The following VAV2 variants were observed in gnomAD, a reference collection of about 807,000 sequenced individuals.
VAV2 encodes the protein vav guanine nucleotide exchange factor 2.
In VAV2, 67 loss-of-function variants were observed where a neutral mutation model predicts 132.5. The observed-to-expected ratio is 0.51, with a 90% CI of 0.42 to 0.62. The LOEUF (loss-of-function observed/expected upper bound fraction) is 0.62. VAV2 is among the 20% of genes least tolerant of loss of function. VAV2 has a pLI of 0.00. For synonymous variants in VAV2, 492 were observed against 443.5 expected, an observed-to-expected ratio of 1.11 and a Z score of -1.37; for missense variants, 938 against 1,153.6, an observed-to-expected ratio of 0.81 and a Z score of 2.71.
At chr9:133,872,999 G>A (rs946572901) in intron 2 of VAV2, among the ~76,000 whole-genome samples, 6 of 151,624 alleles carry the variant, frequency 4.0e-5, no homozygotes, top group South Asian at 2.1e-4. Context: ...TGTAATCTCA[G>A]CTACTTGGGA....
chr9:133,982,349 G>C (rs111500962), intron 1 of VAV2, among the ~76,000 whole-genome samples: 1,581 of 152,342 alleles, frequency 0.01, 26 homozygotes, highest in African/African-American at 0.035. Context: ...GACTAGGCTT[G>C]TGGGGCAGGA....
chr9:133,798,128 G>T (rs1009874456), intron 9 of VAV2, among the ~76,000 whole-genome samples: 129 of 152,288 alleles, frequency 8.5e-4, no homozygotes, highest in African/African-American at 3.0e-3. Context: ...CCCAAAAAGG[G>T]CCAACACTGG....
chr9:133,858,249 T>C (rs1837459717), intron 3 of VAV2, among the ~76,000 whole-genome samples: 1 of 152,172 alleles, frequency 6.6e-6, no homozygotes, highest in Non-Finnish European at 1.5e-5. Flanking sequence ...GCAGGATCAG[T>C]GTGGCCTCTG....
chr9:133,769,623 T>G lies in VAV2; in HGVS notation c.2348-120A>C. The stretch of plus-strand genomic sequence containing the variant: ...GCAGGCCCTTTGGCAGGAGAGGCCC[T>G]ACAGGGGGGCAAAGGAGGCAGGGGG... On this transcript the variant is annotated intron_variant, in intron 27 of 29. Transcript: ENST00000371850. The surrounding 1 kb of genome is among the most constrained non-coding windows in gnomAD (Gnocchi z 8.1). 2 of 1,039,144 alleles carry G rather than the reference T, an allele frequency of 1.9e-6. No homozygotes were observed. Among genetic ancestry groups the G allele is most frequent in the South Asian group, 1.7e-5 (1 of 59,080 alleles). 64.4% of individuals were successfully genotyped at this position (1,039,144 alleles called of 1,614,324 possible).
chr9:133,809,892 G>C (rs1053988810), intron 6 of VAV2, among the ~76,000 whole-genome samples: 4 of 152,216 alleles, frequency 2.6e-5, no homozygotes, highest in African/African-American at 9.6e-5. Context: ...CTGGAGAAAT[G>C]GTGCTGTGAC....
chr9:133,853,620 G>GC (rs937118244), intron 3 of VAV2, among the ~76,000 whole-genome samples: 12 of 151,944 alleles, frequency 7.9e-5, no homozygotes, highest in African/African-American at 2.4e-4. Flanking sequence ...CACACATGCC[G>GC]CCCCCCTTTG....
At chr9:133,790,477 G>A (rs542705034) in intron 13 of VAV2, among the ~76,000 whole-genome samples, 1 of 152,258 alleles carries the variant, frequency 6.6e-6, no homozygotes, top group East Asian at 1.9e-4. Context: ...CGCCCAGCCT[G>A]TTCTTGCTGT....
At chr9:133,815,702 T>G (rs35033712) in intron 4 of VAV2, among the ~76,000 whole-genome samples, 32,547 of 152,062 alleles carry the variant, frequency 0.21, 4,227 homozygotes, top group African/African-American at 0.37. Flanking sequence ...CTTCCTTCTT[T>G]ATGGACATTT....
intron 1 of VAV2, among the ~76,000 whole-genome samples, chr9:133,982,720 G>A (rs2132296328): frequency 6.6e-6 from 1 of 152,366 alleles, no homozygotes; most frequent in South Asian, 2.1e-4. Flanking sequence ...CCGCCGCCTG[G>A]TTTTGTACAT....
chr9:133,816,124 A>G (rs915309925), intron 4 of VAV2, among the ~76,000 whole-genome samples: 4 of 152,166 alleles, frequency 2.6e-5, no homozygotes, highest in East Asian at 3.9e-4. Context: ...TCCTTACTGT[A>G]TACCTTCCTT....
At position 133,833,586 on chromosome 9, in the gene VAV2, C is replaced by T. The variant is rs1361927906; in HGVS notation, c.449+686G>A. On this transcript the variant is annotated intron_variant, in intron 4 of 29. Transcript: ENST00000371850. The surrounding 1 kb of genome is among the most constrained non-coding windows in gnomAD (Gnocchi z 5.6). ...ATGCTCGGTCTCAGCCCAGGTCCCT[C>T]ACCTGCAGGTGAGGCCCCTTCCTCC... Among the ~76,000 whole-genome samples the T allele has an allele frequency of 2.0e-5, 3 of 152,138 alleles. No homozygotes were observed. The highest frequency in any genetic ancestry group is 1.5e-5 in the Non-Finnish European group (1 of 68,012).
intron 2 of VAV2, among the ~76,000 whole-genome samples, chr9:133,933,981 T>C (rs2519099): frequency 0.81 from 113,901 of 140,242 alleles, 47,464 homozygotes; most frequent in East Asian, 0.92. Flanking sequence ...GATGGAAGGA[T>C]GGGTGAATGG....
chr9:133,920,170 G>T (rs1219158391), intron 2 of VAV2, among the ~76,000 whole-genome samples: 1 of 152,104 alleles, frequency 6.6e-6, no homozygotes, highest in East Asian at 1.9e-4. Context: ...TGCCATCAAA[G>T]GCAGAGCTGA....
At chr9:133,862,948 G>A (rs1005115423) in intron 2 of VAV2, among the ~76,000 whole-genome samples, 5 of 152,186 alleles carry the variant, frequency 3.3e-5, no homozygotes, top group Non-Finnish European at 5.9e-5. Context: ...GTACGTGCTC[G>A]TGATTCGGGA....
At chr9:133,913,459 T>G (rs1839952782) in intron 2 of VAV2, among the ~76,000 whole-genome samples, 1 of 152,158 alleles carries the variant, frequency 6.6e-6, no homozygotes, top group South Asian at 2.1e-4. Flanking sequence ...CTCCGGAGGC[T>G]TCTATGCCAG....
intron 4 of VAV2, among the ~76,000 whole-genome samples, chr9:133,820,061 CAG>C (rs772424506): frequency 1.3e-5 from 2 of 152,178 alleles, no homozygotes; most frequent in Non-Finnish European, 2.9e-5. Flanking sequence ...CCTTGGGACA[CAG>C]GGGACAATGG....
rs137957367 is a variant in VAV2, at chr9:133,987,607, G to A, written c.204+4468C>T. Among the ~76,000 whole-genome samples, 707 of 152,370 alleles carry A rather than the reference G, an allele frequency of 4.6e-3. 2 individuals are homozygous for A. The highest frequency in any genetic ancestry group is 0.015 in the African/African-American group (624 of 41,602). Reference sequence around the variant, plus strand: ...GGCAGGCCCAGGGCCAAGCCTTTGCGTGGTGTCCAGCAATGGCTGCCTGAT... The same window carrying A: ...GGCAGGCCCAGGGCCAAGCCTTTGCATGGTGTCCAGCAATGGCTGCCTGAT... On this transcript the variant is annotated intron_variant, in intron 1 of 29. Coordinates refer to ENST00000371850, the MANE Select transcript of VAV2 (RefSeq NM_001134398.2).
intron 8 of VAV2, among the ~76,000 whole-genome samples, chr9:133,806,389 G>A (rs535975220): frequency 1.1e-4 from 17 of 152,280 alleles, no homozygotes; most frequent in East Asian, 3.9e-4. Flanking sequence ...GAGCCAGTAC[G>A]TGTGGGAGGG....
rs1843015208 is a variant in VAV2, at chr9:133,991,475, C to T, written c.204+600G>A. On this transcript the variant is annotated intron_variant, in intron 1 of 29. Transcript: ENST00000371850. The surrounding 1 kb of genome is among the most constrained non-coding windows in gnomAD (Gnocchi z 4.8). ...GGCCCTGGGGATCCTCGAGGCGGCT[C>T]GACCCGGGAGCCAGGACTGGCGCCA... is the stretch of plus-strand genomic sequence containing the variant. Among the ~76,000 whole-genome samples, 3 of 150,428 alleles carry T rather than the reference C, an allele frequency of 2.0e-5. No individual in the cohort carries two copies. The highest frequency in any genetic ancestry group is 2.1e-4 in the South Asian group (1 of 4,800).
Sources: allele counts gnomAD v4.1 joint callset (sites outside exome capture counted in the v4.1 genomes callset), GRCh38; gene constraint gnomAD v4.1.1; non-coding constraint Gnocchi (gnomAD v3.1); transcripts MANE v1.5; gene names NCBI Gene and HGNC (gene_info 2026-07-23, HGNC 2026-07-21).